The following MAOA variants were observed in gnomAD, a reference collection of about 807,000 sequenced individuals.
MAOA encodes monoamine oxidase A, also known as amine oxidase [flavin-containing] A.
Under a neutral mutation model 42.0 loss-of-function variants are expected in MAOA, and 6 were observed. The observed-to-expected ratio is 0.14, with a 90% CI of 0.08 to 0.28. MAOA has a LOEUF of 0.28. MAOA is among the 10% of genes least tolerant of loss of function. MAOA has a pLI of 1.00. For synonymous variants in MAOA, 140 were observed against 154.0 expected, an observed-to-expected ratio of 0.91 and a Z score of 0.67; for missense variants, 262 against 422.3, an observed-to-expected ratio of 0.62 and a Z score of 3.33.
chrX:43,708,661 TG>T (rs914116388), intron 3 of MAOA, among the ~76,000 whole-genome samples: 1 of 100,698 alleles, frequency 9.9e-6, no homozygotes, highest in African/African-American at 4.4e-5. Context: ...GTCTTCTTGT[TG>T]TTTTTTTTTT....
At position 43,675,491 on chromosome X, in the gene MAOA, C is replaced by T. The variant is rs748254896; in HGVS notation, c.74-8022C>T. On this transcript the variant is annotated intron_variant, in intron 1 of 14. Coordinates refer to ENST00000338702, the MANE Select transcript of MAOA (RefSeq NM_000240.4). ...TTGTTCCGTTGCTGGTGAGGAACTG[C>T]GTTCCTTTGGAGGAGGAGAGGCACT... 1.2e-4 allele frequency among the ~76,000 whole-genome samples: 14 copies of T among 112,658 alleles called. No homozygotes were observed. The South Asian group carries it at 3.3e-3, about 26-fold the overall frequency.
intron 5 of MAOA, among the ~76,000 whole-genome samples, chrX:43,715,475 G>A (rs886655882): frequency 2.7e-5 from 3 of 110,534 alleles, no homozygotes; most frequent in African/African-American, 6.6e-5. Context: ...CAGCAAGGGT[G>A]GATATTGGGC....
intron 5 of MAOA, among the ~76,000 whole-genome samples, chrX:43,720,158 T>C (rs765092130): frequency 1.5e-3 from 165 of 110,310 alleles, no homozygotes; most frequent in Non-Finnish European, 2.3e-3. Context: ...ATATGGTATC[T>C]TCCAGGAATG....
At chrX:43,713,463 A>G (rs146376494) in intron 5 of MAOA, among the ~76,000 whole-genome samples, 210 of 111,538 alleles carry the variant, frequency 1.9e-3, no homozygotes, top group African/African-American at 6.5e-3. Context: ...CTGCACATGT[A>G]CTCCGGAATT....
intron 1 of MAOA, among the ~76,000 whole-genome samples, chrX:43,669,002 T>C (rs770194176): frequency 5.4e-5 from 6 of 111,574 alleles, no homozygotes; most frequent in Non-Finnish European, 9.4e-5. Context: ...ATTTTGAGGA[T>C]ATTTTTCAGG....
At chrX:43,656,650 T>A (rs1207262151) in intron 1 of MAOA, among the ~76,000 whole-genome samples, 1 of 111,581 alleles carries the variant, frequency 9.0e-6, no homozygotes, top group Non-Finnish European at 1.9e-5. Flanking sequence ...TACTAATATT[T>A]AATTAGCTCT....
chrX:43,677,138 G>A lies in MAOA; in HGVS notation c.74-6375G>A, dbSNP rs140717671. 4.0e-3 allele frequency among the ~76,000 whole-genome samples: 450 copies of A among 111,991 alleles called. 4 individuals carry two copies. The highest frequency in any genetic ancestry group is 0.014 in the African/African-American group (423 of 30,821). On this transcript the variant is annotated intron_variant, in intron 1 of 14. Coordinates refer to ENST00000338702, the MANE Select transcript of MAOA (RefSeq NM_000240.4). ...AGAGGTGGAGAAGGCAGGGCTAAGT[G>A]TGGAAGCTAGGTTCCAAAGTGACAG...
At chrX:43,737,227 A>G (rs2033926706) in intron 10 of MAOA, among the ~76,000 whole-genome samples, 2 of 110,748 alleles carry the variant, frequency 1.8e-5, no homozygotes, top group Non-Finnish European at 3.8e-5. Context: ...CAATCATGGG[A>G]TTCAAACAAC....
rs751540919 is a variant in MAOA, at chrX:43,669,000, G to A, written c.73+12586G>A. Among the ~76,000 whole-genome samples the A allele has an allele frequency of 2.9e-3, 317 of 111,073 alleles. 3 individuals carry two copies. Among genetic ancestry groups the A allele is most frequent in the African/African-American group, 9.7e-3 (296 of 30,603 alleles). ...TATTGTGTCTTTTGGTGATTTTGAG[G>A]ATATTTTTCAGGTTTATTTTTCAGA... is the stretch of plus-strand genomic sequence containing the variant. On this transcript the variant is annotated intron_variant, in intron 1 of 14. Coordinates refer to ENST00000338702, the MANE Select transcript of MAOA (RefSeq NM_000240.4).
At chrX:43,672,850 A>G (rs868631196) in intron 1 of MAOA, among the ~76,000 whole-genome samples, 26 of 111,724 alleles carry the variant, frequency 2.3e-4, no homozygotes, top group South Asian at 7.5e-4. Flanking sequence ...GTTTGCCAGT[A>G]TTGAGGATTT....
At chrX:43,707,496 G>A (rs948361474) in intron 3 of MAOA, among the ~76,000 whole-genome samples, 8 of 111,907 alleles carry the variant, frequency 7.1e-5, no homozygotes, top group Non-Finnish European at 1.5e-4. Flanking sequence ...TCCATGTAGG[G>A]TATGAAGGCT....
intron 3 of MAOA, among the ~76,000 whole-genome samples, chrX:43,704,408 C>T (rs1051437084): frequency 1.3e-4 from 14 of 111,397 alleles, no homozygotes; most frequent in South Asian, 7.5e-4. Flanking sequence ...TCTCAATAGA[C>T]GGAGCAGAAA....
At chrX:43,738,990 G>A (rs764543243) in intron 10 of MAOA, among the ~76,000 whole-genome samples, 4 of 111,928 alleles carry the variant, frequency 3.6e-5, no homozygotes, top group Non-Finnish European at 7.5e-5. Context: ...GCAAAGAGTA[G>A]GCTGAGGATG....
Position 43,731,295 on chromosome X carries a change from C to G in MAOA, c.700C>G (p.Leu234Val). 1 of 1,209,544 alleles carries G rather than the reference C, an allele frequency of 8.3e-7. No homozygotes were observed. Among genetic ancestry groups the G allele is most frequent in the Non-Finnish European group, 1.1e-6 (1 of 893,338 alleles). The change falls in exon 7 of 15, where the codon CTC (leucine) becomes GTC (valine). Residue 234 changes from leucine (L) to valine (V), a missense_variant. By Grantham distance (32) the Leu-to-Val change is conservative. Coordinates refer to ENST00000338702, the MANE Select transcript of MAOA (RefSeq NM_000240.4). ...AGTGAGCGAACGGATAATGGACCTCCTCGGAGACCAAGTGAAGCTGAACCA... is the reference window on the plus strand; with the variant it reads ...AGTGAGCGAACGGATAATGGACCTCGTCGGAGACCAAGTGAAGCTGAACCA... Reference protein sequence around the residue: ...GQVSERIMDLLGDQVKLNHPV... With the variant: ...GQVSERIMDLVGDQVKLNHPV...
intron 1 of MAOA, among the ~76,000 whole-genome samples, chrX:43,678,604 A>AT (rs1264382380): frequency 4.5e-5 from 5 of 111,504 alleles, no homozygotes; most frequent in Admixed American, 1.9e-4. Context: ...TTAAGATATC[A>AT]TTTTTTTTCT....
Position 43,663,586 on chromosome X carries a change from C to A in MAOA, c.73+7172C>A, listed in dbSNP as rs955496399. ...ATGCGTAAAATACTGACTTCCAGGA[C>A]AGTGCTCTTTCTGTACCTCACCTCA... On this transcript the variant is annotated intron_variant, in intron 1 of 14. Transcript: ENST00000338702. Among the ~76,000 whole-genome samples the A allele has an allele frequency of 2.7e-5, 3 of 111,511 alleles. No homozygotes were observed. The East Asian group carries it at 8.5e-4, about 31-fold the overall frequency.
chrX:43,662,351 A>C (rs1390613172), intron 1 of MAOA, among the ~76,000 whole-genome samples: 1 of 110,813 alleles, frequency 9.0e-6, no homozygotes, highest in Non-Finnish European at 1.9e-5. Context: ...AATTACATTT[A>C]TTTGTGTTCT....
chrX:43,744,955 A>T lies in MAOA; in HGVS notation c.*442A>T, dbSNP rs2033988539. The T allele has an allele frequency of 9.8e-6, 2 of 204,814 alleles. No individual in the cohort carries two copies. Among genetic ancestry groups the T allele is most frequent in the Non-Finnish European group, 1.8e-5 (2 of 111,267 alleles). The allele number at this position is 204,814 out of a possible 1,213,427, so 16.9% of individuals were successfully genotyped here. A position where few individuals can be genotyped will look rare whatever the true frequency, so the allele number is the denominator to read the frequency against. The stretch of plus-strand genomic sequence containing the variant: ...TTTTTCTTCCCTTAGGCAATGGTGA[A>T]CTGTCATTACAGAGCCTAGAGGCTC... On this transcript the variant is annotated 3_prime_UTR_variant, in exon 15 of 15. Coordinates refer to ENST00000338702, the MANE Select transcript of MAOA (RefSeq NM_000240.4).
intron 5 of MAOA, among the ~76,000 whole-genome samples, chrX:43,722,359 C>A (rs1341007724): frequency 8.9e-6 from 1 of 112,216 alleles, no homozygotes; most frequent in Non-Finnish European, 1.9e-5. Context: ...TCTGTTGTTT[C>A]CTGACTTTTT....
Sources: allele counts gnomAD v4.1 joint callset (sites outside exome capture counted in the v4.1 genomes callset), GRCh38; gene constraint gnomAD v4.1.1; transcripts MANE v1.5; gene names NCBI Gene and HGNC (gene_info 2026-07-23, HGNC 2026-07-21).